Variants in FREM3 observed in about 807,000 individuals in gnomAD.
FREM3 encodes FRAS1-related extracellular matrix protein 3.
Under a neutral mutation model 129.1 loss-of-function variants are expected in FREM3, and 105 were observed. The ratio of observed to expected loss-of-function variants is 0.81; its 90% CI spans 0.69 to 0.96. The LOEUF (loss-of-function observed/expected upper bound fraction) is 0.96, where lower values mean the gene tolerates loss of function less well. Among genes scored for constraint, FREM3 ranks in the 40% least tolerant of loss-of-function variants. The pLI, the probability that FREM3 is intolerant of heterozygous loss-of-function variation, is 0.00. For synonymous variants in FREM3, 1,014 were observed against 1,044.9 expected (o/e 0.97, Z 0.57); for missense variants, 2,593 against 2,666.3 (o/e 0.97, Z 0.61).
chr4:143,657,917 C>T (rs1739630312), intron 2 of FREM3, among the ~76,000 whole-genome samples: 1 of 152,166 alleles, frequency 6.6e-6, no homozygotes, highest in Non-Finnish European at 1.5e-5. Context: ...CTCCTGACTT[C>T]CTCTCTTTAC....
chr4:143,677,930 C>A (rs867050401), intron 2 of FREM3, among the ~76,000 whole-genome samples: 4 of 152,194 alleles, frequency 2.6e-5, no homozygotes, highest in South Asian at 2.1e-4. Flanking sequence ...GAACACTTTT[C>A]CACTGTTGGT....
At chr4:143,587,472 T>G (rs971312332) in intron 6 of FREM3, among the ~76,000 whole-genome samples, 1 of 152,158 alleles carries the variant, frequency 6.6e-6, no homozygotes, top group Non-Finnish European at 1.5e-5. Flanking sequence ...ATGTAGTAAT[T>G]GTATGTATTT....
chr4:143,674,879 C>T (rs1041035973), intron 2 of FREM3, among the ~76,000 whole-genome samples: 1 of 152,160 alleles, frequency 6.6e-6, no homozygotes, highest in African/African-American at 2.4e-5. Flanking sequence ...CAGGAGCACC[C>T]AGATTCATAA....
Position 143,697,162 on chromosome 4 carries a change from CAGAGCAATAAA to C in FREM3, c.3503_3513del (p.Phe1168Ter). The C allele has an allele frequency of 6.5e-7, 1 of 1,537,854 alleles. No individual in the cohort carries two copies. Among genetic ancestry groups the C allele is most frequent in the Non-Finnish European group, 8.7e-7 (1 of 1,147,034 alleles). ...ACATTTGGGGAGAAGTTGATGCCAT[CAGAGCAATAAA>C]AGGTGAATTGGTCCTCTTGTGGCTC... On this transcript the variant is annotated frameshift_variant, in exon 1 of 8. Transcript: ENST00000329798. LOFTEE classifies it high-confidence loss of function.
chr4:143,700,399 C>T lies in FREM3; in HGVS notation c.277G>A (p.Asp93Asn), dbSNP rs773604907. The T allele has an allele frequency of 3.3e-6, 5 of 1,534,246 alleles. No individual in the cohort carries two copies. The highest frequency in any genetic ancestry group is 2.0e-5 in the Admixed American group (1 of 50,848). ...RDLVIGVQPG[D>N]RCEVTVLDAL... ...TCCAGTACCGTGACTTCGCACCGGT[C>T]CCCCGGCTGCACTCCAATCACCAGA... Residue 93 changes from aspartate (D) to asparagine (N), a missense_variant, in exon 1 of 8, where the codon GAC becomes AAC. Transcript: ENST00000329798.
chr4:143,637,021 T>G (rs765706331), intron 2 of FREM3, among the ~76,000 whole-genome samples: 3 of 152,210 alleles, frequency 2.0e-5, no homozygotes, highest in Non-Finnish European at 4.4e-5. Context: ...TTCATTGTCA[T>G]AAGCATTTAG....
chr4:143,579,216 G>A (rs188066508), intron 7 of FREM3, among the ~76,000 whole-genome samples: 38 of 152,276 alleles, frequency 2.5e-4, no homozygotes, highest in African/African-American at 8.9e-4. Context: ...CACTTTGGGA[G>A]GCCGATGTGA....
chr4:143,695,536 T>C lies in FREM3; in HGVS notation c.5140A>G (p.Ile1714Val). The C allele has an allele frequency of 1.3e-6, 2 of 1,537,526 alleles. No individual in the cohort carries two copies. Among genetic ancestry groups the C allele is most frequent in the East Asian group, 2.4e-5 (1 of 40,926 alleles). The change falls in exon 1 of 8, where the codon ATC becomes GTC. Residue 1714 changes from isoleucine (I) to valine (V), a missense_variant. Transcript: ENST00000329798. ...VTRGPEHGFI[I>V]KTGLGNQSTR... ...CTCTGGTTTCCAAGGCCAGTTTTGA[T>C]AATGAAGCCATGCTCTGGTCCTCTG...
chr4:143,676,930 A>C (rs1445892753), intron 2 of FREM3, among the ~76,000 whole-genome samples: 1 of 152,178 alleles, frequency 6.6e-6, no homozygotes, highest in African/African-American at 2.4e-5. Context: ...ATGGTCATGA[A>C]TAGGAAGAAT....
At chr4:143,587,890 A>G (rs1464395563) in intron 6 of FREM3, among the ~76,000 whole-genome samples, 5 of 152,178 alleles carry the variant, frequency 3.3e-5, no homozygotes, top group Non-Finnish European at 7.3e-5. Context: ...ACCTCTGTTC[A>G]GCCCTCTAGA....
chr4:143,612,110 A>G (rs1401848058), intron 5 of FREM3, among the ~76,000 whole-genome samples: 1 of 152,248 alleles, frequency 6.6e-6, no homozygotes, highest in Non-Finnish European at 1.5e-5. Context: ...GTTTACTTAC[A>G]TTAAGATTCA....
chr4:143,656,306 C>G (rs914868949), intron 2 of FREM3, among the ~76,000 whole-genome samples: 7 of 152,122 alleles, frequency 4.6e-5, no homozygotes, highest in African/African-American at 1.7e-4. Context: ...TAGGTGGACA[C>G]TCAAGAGAAA....
chr4:143,599,184 C>A (rs1738531846), intron 6 of FREM3, among the ~76,000 whole-genome samples: 1 of 152,126 alleles, frequency 6.6e-6, no homozygotes, highest in Non-Finnish European at 1.5e-5. Context: ...AGAATAAGGG[C>A]ATTCTGTTAA....
Position 143,693,203 on chromosome 4 carries a change from C to T in FREM3, c.5186-1G>A. 6.8e-7 allele frequency: 1 copy of T among 1,473,000 alleles called. No individual in the cohort carries two copies. Among genetic ancestry groups the T allele is most frequent in the South Asian group, 1.4e-5 (1 of 73,974 alleles). 91.2% of individuals were successfully genotyped at this position (1,473,000 alleles called of 1,614,324 possible). A position where few individuals can be genotyped will look rare whatever the true frequency, so the allele number is the denominator to read the frequency against. ...GATATCTTCATCTCATCAATGTCAG[C>T]TAAAAAAAAAGCAACCATCACACAA... On this transcript the variant is annotated splice_acceptor_variant, in intron 1 of 7. Transcript: ENST00000329798. LOFTEE classifies it high-confidence loss of function.
intron 2 of FREM3, among the ~76,000 whole-genome samples, chr4:143,651,300 A>G (rs1037881523): frequency 6.6e-6 from 1 of 152,234 alleles, no homozygotes; most frequent in African/African-American, 2.4e-5. Context: ...AAATCTTTTC[A>G]GCGTTTGGCT....
intron 2 of FREM3, among the ~76,000 whole-genome samples, chr4:143,653,669 C>T (rs1243890542): frequency 6.6e-6 from 1 of 152,212 alleles, no homozygotes; most frequent in Non-Finnish European, 1.5e-5. Flanking sequence ...AAGAAGTGTA[C>T]ATGGGGCTTA....
Position 143,577,629 on chromosome 4 carries a change from A to C in FREM3, c.6402T>G (p.Ala2134=), listed in dbSNP as rs1578817055. The C allele has an allele frequency of 7.8e-6, 12 of 1,537,284 alleles. No homozygotes were observed. The East Asian group carries it at 2.9e-4, about 38-fold the overall frequency. ...EDTITDCKQS[A]CSSFD ...AAGTCTTTCAATCAAAGGAACTACA[A>C]GCACTCTGCTTACAGTCCGTGATGG... The change falls in exon 8 of 8, where the codon GCT becomes GCG. Residue 2134 remains alanine (A), a synonymous_variant. Transcript: ENST00000329798.
In FREM3 at chr4:143,697,346, A is replaced by G; in HGVS notation, c.3330T>C (p.Thr1110=). The G allele has an allele frequency of 6.5e-7, 1 of 1,537,210 alleles. No homozygotes were observed. The highest frequency in any genetic ancestry group is 8.7e-7 in the Non-Finnish European group (1 of 1,146,876). Residue 1110 remains threonine (T), a synonymous_variant, in exon 1 of 8, where the codon ACT becomes ACC. Coordinates refer to ENST00000329798, the MANE Select transcript of FREM3 (RefSeq NM_001168235.2). ...THQDELLCTV[T]SQPASGYLEK... ...CCAGGTAGCCAGAGGCTGGCTGACT[A>G]GTCACTGTGCAGAGGAGTTCATCTT...
intron 3 of FREM3, among the ~76,000 whole-genome samples, chr4:143,626,315 CA>C (rs1157297810): frequency 2.0e-5 from 3 of 152,068 alleles, no homozygotes; most frequent in Admixed American, 6.6e-5. Context: ...CTTGGGAAGA[CA>C]AATAGACACA....
Sources: allele counts gnomAD v4.1 joint callset (sites outside exome capture counted in the v4.1 genomes callset), GRCh38; gene constraint gnomAD v4.1.1; transcripts MANE v1.5; gene names NCBI Gene and HGNC (gene_info 2026-07-23, HGNC 2026-07-21).